Variants in FMN2 observed in about 807,000 individuals in gnomAD.
FMN2 encodes the protein formin-2.
Under a neutral mutation model 142.3 loss-of-function variants are expected in FMN2, and 51 were observed. The ratio of observed to expected loss-of-function variants is 0.36; its 90% CI spans 0.29 to 0.45. The LOEUF (loss-of-function observed/expected upper bound fraction) is 0.45. Among genes scored for constraint, FMN2 ranks in the 20% least tolerant of loss-of-function variants. The pLI is 1.00. For missense variants in FMN2, 1,936 were observed against 2,122.8 expected, an observed-to-expected ratio of 0.91 and a Z score of 1.73; for synonymous variants, 882 against 869.8, an observed-to-expected ratio of 1.01 and a Z score of -0.25.
intron 16 of FMN2, among the ~76,000 whole-genome samples, chr1:240,461,401 G>A (rs1195701708): frequency 6.6e-6 from 1 of 152,186 alleles, no homozygotes; most frequent in Non-Finnish European, 1.5e-5. Flanking sequence ...CACATTATAA[G>A]GTCTTGGTGT....
At chr1:240,433,621 C>T (rs193131961) in intron 15 of FMN2, among the ~76,000 whole-genome samples, 14 of 152,190 alleles carry the variant, frequency 9.2e-5, no homozygotes, top group Admixed American at 2.6e-4. Flanking sequence ...AGTTACTATA[C>T]ATCCTTTCTT....
chr1:240,170,932 A>C (rs1463754802), intron 2 of FMN2: 1 of 790,780 alleles, frequency 1.3e-6, no homozygotes, highest in African/African-American at 1.7e-5. Context: ...GGAAGTGCTC[A>C]TTGAGCGGAC....
At position 240,474,227 on chromosome 1, in the gene FMN2, G is replaced by A; in HGVS notation, c.*73G>A. ...AATTCAGCTGACCTGAGAGTGGGAG[G>A]GAAACTACCGTCATTCTGCTCATGT... On this transcript the variant is annotated 3_prime_UTR_variant, in exon 18 of 18. Transcript: ENST00000319653. 7.6e-7 allele frequency: 1 copy of A among 1,320,854 alleles called. No homozygotes were observed. Among genetic ancestry groups the A allele is most frequent in the Non-Finnish European group, 1.0e-6 (1 of 969,964 alleles). 81.8% of individuals were successfully genotyped at this position (1,320,854 alleles called of 1,614,324 possible). A position where few individuals can be genotyped will look rare whatever the true frequency, so the allele number is the denominator to read the frequency against.
chr1:240,221,736 AG>A (rs1252626870), intron 6 of FMN2, among the ~76,000 whole-genome samples: 25 of 151,442 alleles, frequency 1.7e-4, no homozygotes, highest in Middle Eastern at 3.4e-3. Context: ...CTCTTTAATT[AG>A]ATCCCGTTTG....
chr1:240,123,792 T>C (rs972316409), intron 2 of FMN2, among the ~76,000 whole-genome samples: 12 of 152,164 alleles, frequency 7.9e-5, no homozygotes, highest in African/African-American at 2.9e-4. Flanking sequence ...TCATCCAAAA[T>C]AAACCCTGTA....
rs532945676 is a variant in FMN2, at chr1:240,331,780, C to G, written c.4584+1031C>G. 2.0e-5 allele frequency among the ~76,000 whole-genome samples: 3 copies of G among 152,314 alleles called. 1 individual carries two copies. Among genetic ancestry groups the G allele is most frequent in the African/African-American group, 7.2e-5 (3 of 41,584 alleles). ...AACCTAGTAAACATCAAAGCTTAGC[C>G]TAGCCTGCCTCAAACATGCTCAGAA... On this transcript the variant is annotated intron_variant, in intron 11 of 17. Coordinates refer to ENST00000319653, the MANE Select transcript of FMN2 (RefSeq NM_020066.5).
At chr1:240,395,217 A>G (rs1054272650) in intron 15 of FMN2, among the ~76,000 whole-genome samples, 8 of 152,172 alleles carry the variant, frequency 5.3e-5, no homozygotes, top group African/African-American at 1.7e-4. Context: ...GCTGAGACCC[A>G]TTGCTCAGGA....
chr1:240,451,690 G>C (rs1039089360), intron 16 of FMN2, among the ~76,000 whole-genome samples: 1 of 152,096 alleles, frequency 6.6e-6, no homozygotes, highest in Non-Finnish European at 1.5e-5. Context: ...AACTAGTAGA[G>C]CAATAGAAGA....
chr1:240,327,944 C>T (rs1671226688), intron 8 of FMN2, among the ~76,000 whole-genome samples: 1 of 151,540 alleles, frequency 6.6e-6, no homozygotes, highest in African/African-American at 2.4e-5. Context: ...GTCAGGAGTT[C>T]AAGATTAGCC....
intron 7 of FMN2, among the ~76,000 whole-genome samples, chr1:240,266,939 A>G (rs1328029297): frequency 6.6e-6 from 1 of 152,158 alleles, no homozygotes; most frequent in Middle Eastern, 3.2e-3. Flanking sequence ...CACATATAAA[A>G]ATTAACTCAA....
intron 2 of FMN2, among the ~76,000 whole-genome samples, chr1:240,125,196 T>C (rs1662448472): frequency 6.6e-6 from 1 of 152,210 alleles, no homozygotes; most frequent in South Asian, 2.1e-4. Flanking sequence ...CAATCTTCCT[T>C]TAGTATTAAG....
chr1:240,401,525 TG>T (rs1481931887), intron 15 of FMN2, among the ~76,000 whole-genome samples: 1 of 152,374 alleles, frequency 6.6e-6, no homozygotes, highest in East Asian at 1.9e-4. Flanking sequence ...ATCTCAGTGA[TG>T]CTGTAACAGC....
chr1:240,439,445 T>C (rs745739857), intron 16 of FMN2, among the ~76,000 whole-genome samples: 1 of 152,100 alleles, frequency 6.6e-6, no homozygotes, highest in Non-Finnish European at 1.5e-5. Context: ...TTAAATTAGA[T>C]GAATTAATTG....
chr1:240,148,162 G>A (rs960022344), intron 2 of FMN2, among the ~76,000 whole-genome samples: 11 of 152,012 alleles, frequency 7.2e-5, no homozygotes, highest in Non-Finnish European at 1.3e-4. Flanking sequence ...CAAGAGAGAC[G>A]GAGAGACACA....
chr1:240,426,154 A>G (rs1674930239), intron 15 of FMN2, among the ~76,000 whole-genome samples: 1 of 152,216 alleles, frequency 6.6e-6, no homozygotes, highest in Admixed American at 6.5e-5. Context: ...CTATTTTAGG[A>G]TAATTACTAG....
chr1:240,355,783 T>C, intron 13 of FMN2, 33 bp from the exon 14 acceptor site: 1 of 1,504,348 alleles, frequency 6.6e-7, no homozygotes, highest in Admixed American at 1.7e-5. Flanking sequence ...ACTAACAGTG[T>C]GACACTCTAA....
intron 5 of FMN2, among the ~76,000 whole-genome samples, chr1:240,210,305 T>TTGAATTTCCTTTGTG (rs571876433): frequency 1.3e-5 from 2 of 152,218 alleles, no homozygotes; most frequent in African/African-American, 4.8e-5. Flanking sequence ...TCATGATTCC[T>TTGAATTTCCTTTGTG]TGAATTTCCT....
intron 2 of FMN2, among the ~76,000 whole-genome samples, chr1:240,158,387 G>A (rs1483839962): frequency 6.6e-6 from 1 of 152,104 alleles, no homozygotes; most frequent in East Asian, 1.9e-4. Context: ...GATGTTCAGA[G>A]CATTATTGAT....
intron 2 of FMN2, among the ~76,000 whole-genome samples, chr1:240,131,299 G>T (rs542603347): frequency 1.8e-4 from 28 of 152,306 alleles, no homozygotes; most frequent in Non-Finnish European, 3.5e-4. Flanking sequence ...GATATTTATA[G>T]TACAAGGAGC....
Sources: gnomAD v4.1 joint callset for allele counts (sites outside exome capture counted in the v4.1 genomes callset) on GRCh38, gnomAD v4.1.1 for gene constraint, MANE v1.5 for transcripts, NCBI Gene and HGNC (gene_info 2026-07-23, HGNC 2026-07-21) for gene names.